Variants in RTN1 observed in about 807,000 individuals in gnomAD.
RTN1 encodes the protein reticulon-1.
RTN1 carries 25 observed loss-of-function variants against 65.5 expected under a neutral mutation model. That is an observed-to-expected ratio of 0.38 (90% CI 0.28 to 0.53). RTN1 has a LOEUF of 0.53. Among genes scored for constraint, RTN1 ranks in the 20% least tolerant of loss-of-function variants. The probability of loss-of-function intolerance (pLI) is 0.79; values close to 1 mark genes in which losing one functional copy is unlikely to be tolerated. For synonymous variants in RTN1, 471 were observed against 447.6 expected (o/e 1.05, Z -0.66); for missense variants, 983 against 1,025.4 (o/e 0.96, Z 0.57).
At chr14:59,750,346 A>AAATAT (rs1555358893) in intron 1 of RTN1, among the ~76,000 whole-genome samples, 1 of 40,396 alleles carries the variant, frequency 2.5e-5, no homozygotes, top group Non-Finnish European at 3.6e-5. Context: ...TATATCTATA[A>AAATAT]TATATATTAT....
intron 1 of RTN1, among the ~76,000 whole-genome samples, chr14:59,769,375 A>G (rs1014145010): frequency 2.6e-5 from 4 of 152,190 alleles, no homozygotes; most frequent in African/African-American, 9.6e-5. Flanking sequence ...TTAAAGTGCT[A>G]GTTACACAAT....
chr14:59,628,611 C>A (rs1471826201), intron 3 of RTN1, among the ~76,000 whole-genome samples: 2 of 152,144 alleles, frequency 1.3e-5, no homozygotes, highest in African/African-American at 2.4e-5. Context: ...CTAAAGATGA[C>A]CAAAGGTCGC....
chr14:59,762,036 T>C (rs1444074473), intron 1 of RTN1, among the ~76,000 whole-genome samples: 1 of 151,976 alleles, frequency 6.6e-6, no homozygotes, highest in Admixed American at 6.6e-5. Context: ...TGGCATGCCG[T>C]GGTGTGGCAT....
At chr14:59,839,038 A>C (rs1172549991) in intron 1 of RTN1, among the ~76,000 whole-genome samples, 1 of 152,076 alleles carries the variant, frequency 6.6e-6, no homozygotes, top group Non-Finnish European at 1.5e-5. Flanking sequence ...AAAGAAAGAG[A>C]CGCTTTCCAA....
chr14:59,789,849 T>C (rs1008484362), intron 1 of RTN1, among the ~76,000 whole-genome samples: 1 of 151,938 alleles, frequency 6.6e-6, no homozygotes, highest in Non-Finnish European at 1.5e-5. Context: ...AAAGAACTGA[T>C]AGGTATCAAA....
intron 1 of RTN1, among the ~76,000 whole-genome samples, chr14:59,869,670 A>C (rs1310055753): frequency 6.7e-6 from 1 of 149,578 alleles, no homozygotes; most frequent in East Asian, 2.0e-4. Context: ...GGCCCGCCGC[A>C]CTTAGGACTT....
chr14:59,754,940 T>A (rs1165668687), intron 1 of RTN1, among the ~76,000 whole-genome samples: 1 of 152,058 alleles, frequency 6.6e-6, no homozygotes, highest in Non-Finnish European at 1.5e-5. Flanking sequence ...TGGACATAGA[T>A]CCTGTCATGA....
chr14:59,788,096 G>A (rs955799767), intron 1 of RTN1, among the ~76,000 whole-genome samples: 1 of 152,238 alleles, frequency 6.6e-6, no homozygotes, highest in African/African-American at 2.4e-5. Context: ...TTGTATGAAT[G>A]TACTTTGATT....
At chr14:59,602,963 T>A (rs1171298358) in intron 8 of RTN1, 102 bp downstream of exon 8, 1 of 798,174 alleles carries the variant, frequency 1.3e-6, no homozygotes, top group Non-Finnish European at 2.0e-6. Flanking sequence ...TGACCATAAA[T>A]CAATCTATCA....
At chr14:59,770,780 CGCAATG>C (rs1479450001) in intron 1 of RTN1, among the ~76,000 whole-genome samples, 1 of 152,118 alleles carries the variant, frequency 6.6e-6, no homozygotes, top group East Asian at 1.9e-4. Context: ...GTTGGCCGGG[CGCAATG>C]GCTCATGCCT....
intron 3 of RTN1, among the ~76,000 whole-genome samples, chr14:59,639,068 C>G (rs1485189810): frequency 1.3e-5 from 2 of 152,252 alleles, no homozygotes; most frequent in Non-Finnish European, 2.9e-5. Context: ...ATTCATTGGC[C>G]TAACCGAAAT....
At chr14:59,683,019 A>T (rs987775865) in intron 3 of RTN1, among the ~76,000 whole-genome samples, 5 of 152,122 alleles carry the variant, frequency 3.3e-5, no homozygotes, top group African/African-American at 1.2e-4. Flanking sequence ...GACACAAGAT[A>T]TTTGGTGACA....
chr14:59,624,619 G>A (rs781733954), intron 3 of RTN1, among the ~76,000 whole-genome samples: 13 of 151,982 alleles, frequency 8.6e-5, no homozygotes, highest in Non-Finnish European at 1.3e-4. Context: ...GTGCCACCAC[G>A]CCTGACTAGT....
At chr14:59,854,501 T>TGTG (rs1160157978) in intron 1 of RTN1, among the ~76,000 whole-genome samples, 1 of 150,852 alleles carries the variant, frequency 6.6e-6, no homozygotes, top group South Asian at 2.1e-4. Context: ...ATTAGCTGGG[T>TGTG]GTGGTGGCAC....
chr14:59,820,454 C>G (rs966992358), intron 1 of RTN1, among the ~76,000 whole-genome samples: 3 of 144,748 alleles, frequency 2.1e-5, no homozygotes, highest in Admixed American at 7.1e-5. Context: ...CTTTTGGAGA[C>G]TTTGTCATGA....
Position 59,829,764 on chromosome 14 carries a change from A to C in RTN1, c.241+40626T>G, listed in dbSNP as rs116351516. ...AGGAAATGTGGTGAAGCACATACTC[A>C]CTCTTAAAACTTTTACCCTGAAGAG... On this transcript the variant is annotated intron_variant, in intron 1 of 8. Coordinates refer to ENST00000267484, the MANE Select transcript of RTN1 (RefSeq NM_021136.3). This position sits in a 1 kb window ranked among gnomAD's most constrained non-coding sequence, Gnocchi z 4.3. Among the ~76,000 whole-genome samples the C allele has an allele frequency of 0.012, 1,857 of 152,034 alleles. 36 individuals are homozygous for C. The highest frequency in any genetic ancestry group is 0.041 in the African/African-American group (1,716 of 41,446).
At chr14:59,869,023 C>T (rs1887843702) in intron 1 of RTN1, among the ~76,000 whole-genome samples, 1 of 152,066 alleles carries the variant, frequency 6.6e-6, no homozygotes, top group Admixed American at 6.5e-5. Flanking sequence ...TAACCTTTGG[C>T]GTTTGGCGTT....
chr14:59,621,048 C>A (rs1342305619), intron 3 of RTN1, among the ~76,000 whole-genome samples: 1 of 152,206 alleles, frequency 6.6e-6, no homozygotes, highest in Admixed American at 6.5e-5. Flanking sequence ...AAGAGAATTT[C>A]TGCATTCCAA....
chr14:59,767,811 T>G (rs1204812690), intron 1 of RTN1, among the ~76,000 whole-genome samples: 1 of 152,214 alleles, frequency 6.6e-6, no homozygotes, highest in Non-Finnish European at 1.5e-5. Flanking sequence ...CTTCTTACCC[T>G]TGCTATGGGC....
Sources: allele counts gnomAD v4.1 joint callset (sites outside exome capture counted in the v4.1 genomes callset), GRCh38; gene constraint gnomAD v4.1.1; non-coding constraint Gnocchi (gnomAD v3.1); transcripts MANE v1.5; gene names NCBI Gene and HGNC (gene_info 2026-07-23, HGNC 2026-07-21).